Variants in KIF26B observed in about 807,000 individuals in gnomAD.
The protein encoded by KIF26B is kinesin-like protein KIF26B.
KIF26B carries 63 observed loss-of-function variants against 151.2 expected under a neutral mutation model. That is an observed-to-expected ratio of 0.42 (90% CI 0.34 to 0.51). The LOEUF (loss-of-function observed/expected upper bound fraction) is 0.51. Among genes scored for constraint, KIF26B ranks in the 20% least tolerant of loss-of-function variants. The pLI is 0.07. For missense variants in KIF26B, 2,813 were observed against 2,913.6 expected, an observed-to-expected ratio of 0.97 and a Z score of 0.79; for synonymous variants, 1,357 against 1,262.1, an observed-to-expected ratio of 1.08 and a Z score of -1.59.
intron 4 of KIF26B, among the ~76,000 whole-genome samples, chr1:245,477,435 C>T (rs765639859): frequency 2.6e-5 from 4 of 151,694 alleles, no homozygotes; most frequent in Non-Finnish European, 5.9e-5. Flanking sequence ...GGGGCAGAGA[C>T]AGATCATCCA....
At chr1:245,236,167 G>A (rs887679688) in intron 2 of KIF26B, among the ~76,000 whole-genome samples, 3 of 152,116 alleles carry the variant, frequency 2.0e-5, no homozygotes, top group African/African-American at 7.2e-5. Flanking sequence ...TGACCTTGTA[G>A]TCTGCCTGCT....
chr1:245,344,083 G>C (rs892926248), intron 2 of KIF26B, among the ~76,000 whole-genome samples: 9 of 148,664 alleles, frequency 6.1e-5, no homozygotes, highest in African/African-American at 2.3e-4. Context: ...CTGCCTCGCT[G>C]CCTCCCTCCC....
intron 2 of KIF26B, among the ~76,000 whole-genome samples, chr1:245,273,561 A>T (rs190313503): frequency 1.3e-5 from 2 of 152,056 alleles, no homozygotes; most frequent in East Asian, 3.9e-4. Flanking sequence ...CTACATGCAT[A>T]TTTATAATTG....
At chr1:245,316,180 A>G (rs1338177640) in intron 2 of KIF26B, among the ~76,000 whole-genome samples, 9 of 151,074 alleles carry the variant, frequency 6.0e-5, no homozygotes, top group Admixed American at 5.9e-4. Context: ...CTTGTTGCCC[A>G]GGATAGAGTG....
chr1:245,600,167 T>C (rs2043377954), intron 5 of KIF26B, among the ~76,000 whole-genome samples: 1 of 129,960 alleles, frequency 7.7e-6, no homozygotes, highest in African/African-American at 2.9e-5. Flanking sequence ...GCCTCCCGAG[T>C]AGCTGGGACT....
intron 10 of KIF26B, among the ~76,000 whole-genome samples, chr1:245,660,228 A>C (rs1429645214): frequency 5.7e-5 from 2 of 34,936 alleles, no homozygotes; most frequent in Non-Finnish European, 1.1e-4. Context: ...ACTGCCTGTT[A>C]GTAATAGTCA....
chr1:245,332,152 G>T (rs1323120873), intron 2 of KIF26B, among the ~76,000 whole-genome samples: 1 of 152,146 alleles, frequency 6.6e-6, no homozygotes, highest in Non-Finnish European at 1.5e-5. Flanking sequence ...AATAAAAAAT[G>T]AAGTCCTCAT....
At chr1:245,305,341 C>G (rs1477218434) in intron 2 of KIF26B, among the ~76,000 whole-genome samples, 1 of 152,110 alleles carries the variant, frequency 6.6e-6, no homozygotes, top group Non-Finnish European at 1.5e-5. Flanking sequence ...TTGCAAATCA[C>G]ATATTTGATA....
At chr1:245,349,529 A>G (rs145136353) in intron 2 of KIF26B, among the ~76,000 whole-genome samples, 8 of 150,310 alleles carry the variant, frequency 5.3e-5, no homozygotes, top group African/African-American at 2.0e-4. Context: ...CTCACTCATT[A>G]ATGTTGATTT....
At chr1:245,323,830 C>G (rs777906983) in intron 2 of KIF26B, among the ~76,000 whole-genome samples, 25 of 152,156 alleles carry the variant, frequency 1.6e-4, no homozygotes, top group Non-Finnish European at 1.5e-5. Context: ...ACAGGGGAAG[C>G]ATATGGTGGA....
intron 2 of KIF26B, among the ~76,000 whole-genome samples, chr1:245,188,850 G>A (rs10924113): frequency 0.02 from 3,078 of 152,284 alleles, 98 homozygotes; most frequent in African/African-American, 0.069. Flanking sequence ...TGTGGTCTAT[G>A]TATTTACAAT....
At chr1:245,676,573 T>C (rs2044359329) in intron 10 of KIF26B, 1 of 152,254 alleles carries the variant, frequency 6.6e-6, no homozygotes, top group Non-Finnish European at 1.5e-5. Context: ...AGAAGTAGGT[T>C]GAATTGCCAT....
intron 3 of KIF26B, chr1:245,370,647 C>T (rs775285883): frequency 1.3e-5 from 6 of 456,546 alleles, no homozygotes; most frequent in East Asian, 6.9e-5. Context: ...CGCTGATGAG[C>T]GAGGACAGAG....
rs1359641093 is a variant in KIF26B at position 245,589,318 on chromosome 1, C to T, written c.1351-13259C>T. On this transcript the variant is annotated intron_variant, in intron 5 of 14. Transcript: ENST00000407071. ...CTTCCGCAGTGGGCCTGGAGAAGGA[C>T]GCCTTCTTTTCACCACCAGGCTGTG... Among the ~76,000 whole-genome samples, 7 of 152,216 alleles carry T rather than the reference C, an allele frequency of 4.6e-5. No homozygotes were observed. In the East Asian group the frequency reaches 1.4e-3, roughly 29 times the overall value.
Position 245,166,390 on chromosome 1 carries a change from G to A in KIF26B, c.465+9707G>A, listed in dbSNP as rs1017209364. 3.3e-5 allele frequency among the ~76,000 whole-genome samples: 5 copies of A among 152,138 alleles called. No homozygotes were observed. The South Asian group carries it at 6.2e-4, about 19-fold the overall frequency. ...GTTTCTTCACCTCCAAGTGGATAAA[G>A]CATCTCATTCTTATTTATTCATTTG... On this transcript the variant is annotated intron_variant, in intron 2 of 14. Coordinates refer to ENST00000407071, the MANE Select transcript of KIF26B (RefSeq NM_018012.4). This position sits in a 1 kb window ranked among gnomAD's most constrained non-coding sequence, Gnocchi z 4.5.
At chr1:245,680,132 A>G (rs1029043805) in intron 10 of KIF26B, among the ~76,000 whole-genome samples, 4 of 151,982 alleles carry the variant, frequency 2.6e-5, no homozygotes, top group Non-Finnish European at 2.9e-5. Context: ...CTTTCCCTCC[A>G]AAGATTCCGA....
At position 245,687,424 on chromosome 1, in the gene KIF26B, G is replaced by C; in HGVS notation, c.4441G>C (p.Asp1481His). The C allele has an allele frequency of 1.3e-6, 2 of 1,588,538 alleles. No homozygotes were observed. Among genetic ancestry groups the C allele is most frequent in the Non-Finnish European group, 1.7e-6 (2 of 1,167,846 alleles). Residue 1481 changes from aspartate (D) to histidine (H), a missense_variant, in exon 12 of 15, where the codon GAC becomes CAC. Around this residue, in one of 3 missense-constraint regions of KIF26B, gnomAD observed 2,060 missense variants for 2,088.6 expected, o/e 0.99. Transcript: ENST00000407071. This position sits in a 1 kb window ranked among gnomAD's most constrained non-coding sequence, Gnocchi z 4.9. Reference protein sequence around the residue: ...NAETRAEQEQDGKPSPGDRLS... With the variant: ...NAETRAEQEQHGKPSPGDRLS... ...TGAGACCAGAGCAGAGCAGGAGCAG[G>C]ACGGAAAGCCCAGTCCGGGAGACAG...
chr1:245,247,775 A>G (rs980819062), intron 2 of KIF26B, among the ~76,000 whole-genome samples: 1 of 152,224 alleles, frequency 6.6e-6, no homozygotes, highest in African/African-American at 2.4e-5. Flanking sequence ...CCCCAGAACA[A>G]TTAAGTCATC....
chr1:245,186,411 G>A (rs1348312807), intron 2 of KIF26B, among the ~76,000 whole-genome samples: 1 of 152,110 alleles, frequency 6.6e-6, no homozygotes, highest in Non-Finnish European at 1.5e-5. Flanking sequence ...TGCTTTATTT[G>A]GGTGCAGCTA....
Sources: gnomAD v4.1 joint callset for allele counts (sites outside exome capture counted in the v4.1 genomes callset) on GRCh38, gnomAD v4.1.1 for gene constraint, gnomAD v4.1.1 regional missense constraint, Gnocchi (gnomAD v3.1) non-coding constraint, MANE v1.5 for transcripts, NCBI Gene and HGNC (gene_info 2026-07-23, HGNC 2026-07-21) for gene names.